EYS: variants seen among roughly 807,000 people sequenced by gnomAD.
EYS encodes EGF-like photoreceptor maintenance factor, also known as protein eyes shut homolog.
A neutral mutation model predicts 282.1 loss-of-function variants in EYS; 250 were observed. The ratio of observed to expected loss-of-function variants is 0.89; its 90% CI spans 0.80 to 0.98. The LOEUF is 0.98. EYS is among the 50% of genes least tolerant of loss of function. The pLI is 0.00. For synonymous variants in EYS, 1,355 were observed against 1,282.9 expected, an observed-to-expected ratio of 1.06 and a Z score of -1.20; for missense variants, 4,016 against 3,709.0, an observed-to-expected ratio of 1.08 and a Z score of -2.15.
intron 22 of EYS, among the ~76,000 whole-genome samples, chr6:64,708,459 A>T (rs907930998): frequency 1.3e-5 from 2 of 152,164 alleles, no homozygotes; most frequent in Non-Finnish European, 2.9e-5. Context: ...AGGAAGTCTG[A>T]TCTACCCAGG....
chr6:65,583,427 T>C (rs116763207), intron 2 of EYS, among the ~76,000 whole-genome samples: 2,068 of 152,186 alleles, frequency 0.014, 35 homozygotes, highest in African/African-American at 0.034. Context: ...TCTTGTAGTG[T>C]TTTATACACC....
At chr6:63,961,928 G>A (rs992146027) in intron 35 of EYS, among the ~76,000 whole-genome samples, 1 of 152,122 alleles carries the variant, frequency 6.6e-6, no homozygotes, top group Non-Finnish European at 1.5e-5. Flanking sequence ...TTAGAAAAAT[G>A]TAAGAAATGT....
At chr6:65,256,515 C>T (rs1331195041) in intron 12 of EYS, among the ~76,000 whole-genome samples, 4 of 119,260 alleles carry the variant, frequency 3.4e-5, no homozygotes, top group Non-Finnish European at 5.1e-5. Context: ...TGAGAATATG[C>T]GGTGTTTGGT....
chr6:64,343,529 A>T (rs1252087109), intron 29 of EYS, among the ~76,000 whole-genome samples: 1 of 152,156 alleles, frequency 6.6e-6, no homozygotes, highest in East Asian at 1.9e-4. Flanking sequence ...GACACAACAT[A>T]CCAGAATCTC....
chr6:65,506,456 CTTTCTTTTTTTTTTTTTTT>C (rs1766658076), intron 2 of EYS, among the ~76,000 whole-genome samples: 8 of 89,484 alleles, frequency 8.9e-5, no homozygotes, highest in African/African-American at 3.1e-4. Context: ...TCCTTCCTTC[CTTTCTTTTTTTTTTTTTTT>C]TTTTTTTTTT....
At chr6:64,329,682 C>T (rs1770566838) in intron 29 of EYS, among the ~76,000 whole-genome samples, 1 of 152,054 alleles carries the variant, frequency 6.6e-6, no homozygotes, top group African/African-American at 2.4e-5. Flanking sequence ...GATTACTAAG[C>T]ATATAGACCA....
chr6:64,891,962 AT>A (rs1767305135), intron 18 of EYS, among the ~76,000 whole-genome samples: 1 of 152,004 alleles, frequency 6.6e-6, no homozygotes, highest in Admixed American at 6.6e-5. Flanking sequence ...AATAATTCAT[AT>A]TTTTAATTTG....
intron 35 of EYS, among the ~76,000 whole-genome samples, chr6:63,871,242 A>G (rs75424654): frequency 0.019 from 2,834 of 152,278 alleles, 39 homozygotes; most frequent in Non-Finnish European, 0.027. Context: ...TTTCACTTTA[A>G]CTTATTGGCA....
intron 12 of EYS, among the ~76,000 whole-genome samples, chr6:65,107,024 A>G (rs1000850920): frequency 1.3e-5 from 2 of 152,060 alleles, no homozygotes; most frequent in Admixed American, 1.3e-4. Context: ...GCCAGCATCA[A>G]CATAGAGTGA....
intron 29 of EYS, among the ~76,000 whole-genome samples, chr6:64,374,782 G>A (rs1415486919): frequency 1.3e-5 from 2 of 152,272 alleles, no homozygotes; most frequent in East Asian, 1.9e-4. Context: ...GCTGCCAAAC[G>A]GTAAAGTAGT....
chr6:64,327,467 C>A (rs994245439), intron 29 of EYS, among the ~76,000 whole-genome samples: 2 of 152,080 alleles, frequency 1.3e-5, no homozygotes, highest in Admixed American at 6.5e-5. Context: ...ATAGACCGGC[C>A]ATCTTTTAAT....
In EYS at chr6:65,296,245, C is replaced by A. The variant is rs976244279; in HGVS notation, c.1767-126G>T. ...ATTTAATGAAGATAGTTGTGGGGTG[C>A]ATTTAAAAAATATTTTCATAAAGTG... On this transcript the variant is annotated intron_variant, in intron 11 of 42. Transcript: ENST00000503581. 9.7e-6 allele frequency: 10 copies of A among 1,028,294 alleles called. No individual in the cohort carries two copies. In the African/African-American group the frequency reaches 1.5e-4, roughly 15 times the overall value. 63.7% of individuals were successfully genotyped at this position (1,028,294 alleles called of 1,614,324 possible).
At chr6:65,222,854 C>A (rs1384627514) in intron 12 of EYS, among the ~76,000 whole-genome samples, 8 of 151,988 alleles carry the variant, frequency 5.3e-5, no homozygotes, top group Non-Finnish European at 1.2e-4. Flanking sequence ...ATGGTGGCAC[C>A]AGCTTAAAGA....
chr6:64,802,110 T>C (rs1467602593), intron 22 of EYS, among the ~76,000 whole-genome samples: 1 of 138,684 alleles, frequency 7.2e-6, no homozygotes, highest in African/African-American at 2.7e-5. Flanking sequence ...CTTGGCTCAC[T>C]GCAAGCTCCT....
intron 29 of EYS, among the ~76,000 whole-genome samples, chr6:64,346,090 G>T (rs141643458): frequency 0.032 from 4,847 of 151,764 alleles, 233 homozygotes; most frequent in African/African-American, 0.11. Context: ...AGGAACACTT[G>T]TACACTGTTG....
chr6:63,858,900 CT>C, intron 36 of EYS, among the ~76,000 whole-genome samples: 2 of 152,028 alleles, frequency 1.3e-5, no homozygotes, highest in South Asian at 4.2e-4. Context: ...CATTAAGCTG[CT>C]TTATAGAGGT....
intron 2 of EYS, among the ~76,000 whole-genome samples, chr6:65,588,386 G>A (rs973141756): frequency 6.6e-6 from 1 of 151,894 alleles, no homozygotes; most frequent in Non-Finnish European, 1.5e-5. Flanking sequence ...CCAGATGTGG[G>A]CCTGTCATGT....
intron 13 of EYS, among the ~76,000 whole-genome samples, chr6:65,034,639 A>G (rs866152380): frequency 8.7e-4 from 133 of 152,218 alleles, no homozygotes; most frequent in African/African-American, 3.1e-3. Context: ...CCATAATTGT[A>G]AGATTTCTGA....
chr6:64,335,330 T>G (rs896998841), intron 29 of EYS, among the ~76,000 whole-genome samples: 1 of 146,442 alleles, frequency 6.8e-6, no homozygotes, highest in Non-Finnish European at 1.5e-5. Flanking sequence ...ACCTTATCTA[T>G]ACTCCCCAAC....
Sources: gnomAD v4.1 joint callset for allele counts (sites outside exome capture counted in the v4.1 genomes callset) on GRCh38, gnomAD v4.1.1 for gene constraint, MANE v1.5 for transcripts, NCBI Gene and HGNC (gene_info 2026-07-23, HGNC 2026-07-21) for gene names.